Variants in TRAF3IP1 observed in about 807,000 individuals in gnomAD.
TRAF3IP1 encodes TRAF3-interacting protein 1.
Under a neutral mutation model 89.9 loss-of-function variants are expected in TRAF3IP1, and 53 were observed. The observed-to-expected ratio is 0.59, with a 90% CI of 0.47 to 0.74. TRAF3IP1 has a LOEUF of 0.74. Among genes scored for constraint, TRAF3IP1 ranks in the 30% least tolerant of loss-of-function variants. The pLI, the probability that TRAF3IP1 is intolerant of heterozygous loss-of-function variation, is 0.00. For synonymous variants in TRAF3IP1, 311 were observed against 322.1 expected, an observed-to-expected ratio of 0.97 and a Z score of 0.37; for missense variants, 806 against 866.1, an observed-to-expected ratio of 0.93 and a Z score of 0.87.
At chr2:238,371,877 A>G (rs1031004127) in intron 15 of TRAF3IP1, among the ~76,000 whole-genome samples, 3 of 152,268 alleles carry the variant, frequency 2.0e-5, no homozygotes, top group Admixed American at 1.3e-4. Context: ...ATATTAAATT[A>G]CGTATATGGC....
At chr2:238,322,692 A>T (rs1697614022) in intron 1 of TRAF3IP1, among the ~76,000 whole-genome samples, 1 of 149,944 alleles carries the variant, frequency 6.7e-6, no homozygotes, top group East Asian at 1.9e-4. Flanking sequence ...TGTCTCAAAA[A>T]AAAAAAAAAA....
At chr2:238,337,008 T>C (rs1454726136) in intron 7 of TRAF3IP1, among the ~76,000 whole-genome samples, 3 of 151,874 alleles carry the variant, frequency 2.0e-5, no homozygotes, top group Admixed American at 2.0e-4. Flanking sequence ...GGGCCTGCGC[T>C]CTAGAACACT....
rs999943156 is a variant in TRAF3IP1 at position 238,330,063 on chromosome 2, G to A, written c.915+721G>A. On this transcript the variant is annotated intron_variant, in intron 5 of 16. Coordinates refer to ENST00000373327, the MANE Select transcript of TRAF3IP1 (RefSeq NM_015650.4). ...ATGTGTTGCTTCTCCCGTGCGTGTC[G>A]TTTGTGTCATTTGTGTCACTCTCAG... is the stretch of plus-strand genomic sequence containing the variant. Among the ~76,000 whole-genome samples, 8 of 152,170 alleles carry A rather than the reference G, an allele frequency of 5.3e-5. No homozygotes were observed. In the East Asian group the frequency reaches 9.6e-4, roughly 18 times the overall value.
intron 1 of TRAF3IP1, among the ~76,000 whole-genome samples, chr2:238,324,664 G>A (rs1042620941): frequency 6.6e-6 from 1 of 151,960 alleles, no homozygotes; most frequent in South Asian, 2.1e-4. Flanking sequence ...GAGTGCAGTG[G>A]TACGATCTCG....
At chr2:238,325,208 G>A in intron 1 of TRAF3IP1, 98 bp from the exon 2 acceptor site, 3 of 1,188,162 alleles carry the variant, frequency 2.5e-6, no homozygotes, top group Non-Finnish European at 2.5e-6. Context: ...TGGGCTGCTA[G>A]TCAATTCTGA....
At chr2:238,378,807 GCC>G (rs1290294796) in intron 15 of TRAF3IP1, among the ~76,000 whole-genome samples, 1 of 152,142 alleles carries the variant, frequency 6.6e-6, no homozygotes, top group African/African-American at 2.4e-5. Context: ...CCCCCCCCAG[GCC>G]CCAGGCTGCT....
chr2:238,375,812 T>C (rs1183561764), intron 15 of TRAF3IP1, among the ~76,000 whole-genome samples: 1 of 152,246 alleles, frequency 6.6e-6, no homozygotes, highest in African/African-American at 2.4e-5. Context: ...CAGAAAGATA[T>C]TTACTCTTTT....
intron 15 of TRAF3IP1, 61 bp downstream of exon 15, chr2:238,356,141 C>G (rs910903705): frequency 3.1e-6 from 4 of 1,304,076 alleles, no homozygotes; most frequent in African/African-American, 3.0e-5. Flanking sequence ...CATTTACAGA[C>G]TTTTACAAGT....
intron 15 of TRAF3IP1, among the ~76,000 whole-genome samples, chr2:238,389,070 T>C (rs1428813531): frequency 1.3e-5 from 2 of 152,164 alleles, no homozygotes; most frequent in East Asian, 3.9e-4. Flanking sequence ...TTTTGTTTAT[T>C]GGGTTTGCTT....
chr2:238,343,685 C>T (rs373468424), intron 8 of TRAF3IP1, among the ~76,000 whole-genome samples: 11 of 129,900 alleles, frequency 8.5e-5, no homozygotes, highest in African/African-American at 3.2e-4. Context: ...TAGGGTCTTA[C>T]TCTTTGCCCT....
chr2:238,386,372 G>T (rs1188265228), intron 15 of TRAF3IP1, among the ~76,000 whole-genome samples: 2 of 152,094 alleles, frequency 1.3e-5, no homozygotes, highest in Non-Finnish European at 2.9e-5. Flanking sequence ...GCGTGCAGTG[G>T]TGTGATTTTG....
chr2:238,326,793 C>T (rs1035091472), intron 3 of TRAF3IP1, among the ~76,000 whole-genome samples: 2 of 152,148 alleles, frequency 1.3e-5, no homozygotes, highest in Non-Finnish European at 2.9e-5. Flanking sequence ...GCCCCCTCAA[C>T]AGCAGTGGGT....
Position 238,325,929 on chromosome 2 carries a change from A to C in TRAF3IP1, c.313A>C (p.Asn105His). The C allele has an allele frequency of 6.2e-7, 1 of 1,614,038 alleles. No homozygotes were observed. The highest frequency in any genetic ancestry group is 8.5e-7 in the Non-Finnish European group (1 of 1,179,982). The change falls in exon 3 of 17, where the codon AAC becomes CAC. Residue 105 changes from asparagine (N) to histidine (H), a missense_variant. Asn to His is a moderately conservative substitution (Grantham distance 68). This residue lies in a region of TRAF3IP1 where 732 missense variants were observed against 780.5 expected (regional missense o/e 0.94). Coordinates refer to ENST00000373327, the MANE Select transcript of TRAF3IP1 (RefSeq NM_015650.4). ...GGCGGGGCATGAGCCTGAAAGAACA[A>C]ACGAGCTGCTCCAGATAATTGGAAA... ...IVAGHEPERTNELLQIIGKCC... is the reference protein window; with the variant it reads ...IVAGHEPERTHELLQIIGKCC...
intron 15 of TRAF3IP1, among the ~76,000 whole-genome samples, chr2:238,394,224 G>A (rs1244905064): frequency 6.6e-6 from 1 of 152,124 alleles, no homozygotes; most frequent in Non-Finnish European, 1.5e-5. Context: ...TGGGTAGACT[G>A]GTTATTTCTG....
rs1307905112 is a variant in TRAF3IP1 at position 238,379,933 on chromosome 2, T to C, written c.1690-17526T>C. Among the ~76,000 whole-genome samples the C allele has an allele frequency of 6.6e-6, 1 of 152,238 alleles. No homozygotes were observed. The highest frequency in any genetic ancestry group is 2.4e-5 in the African/African-American group (1 of 41,472). On this transcript the variant is annotated intron_variant, in intron 15 of 16. Coordinates refer to ENST00000373327, the MANE Select transcript of TRAF3IP1 (RefSeq NM_015650.4). This position sits in a 1 kb window ranked among gnomAD's most constrained non-coding sequence, Gnocchi z 4.0. ...CAAAATAATTGAATAATCACCTCAC[T>C]GGCCATTTCCAGCATTGATGGAGAA...
Position 238,379,298 on chromosome 2 carries a change from C to T in TRAF3IP1, c.1690-18161C>T, listed in dbSNP as rs1700451174. Among the ~76,000 whole-genome samples, 1 of 152,238 alleles carries T rather than the reference C, an allele frequency of 6.6e-6. No homozygotes were observed. Among genetic ancestry groups the T allele is most frequent in the Admixed American group, 6.5e-5 (1 of 15,294 alleles). On this transcript the variant is annotated intron_variant, in intron 15 of 16. Coordinates refer to ENST00000373327, the MANE Select transcript of TRAF3IP1 (RefSeq NM_015650.4). This position sits in a 1 kb window ranked among gnomAD's most constrained non-coding sequence, Gnocchi z 4.0. Reference sequence around the variant, plus strand: ...GGCCTCAGCCGCACACTCACCATCTCTGACCCGGGCTCTGCTATCCTCACA... The same window carrying T: ...GGCCTCAGCCGCACACTCACCATCTTTGACCCGGGCTCTGCTATCCTCACA...
chr2:238,353,318 C>G lies in TRAF3IP1; in HGVS notation c.1612+109C>G, dbSNP rs1699257730. On this transcript the variant is annotated intron_variant, in intron 14 of 16. Coordinates refer to ENST00000373327, the MANE Select transcript of TRAF3IP1 (RefSeq NM_015650.4). ...GCAAGGGACTGTTGTGTGCCAGGTT[C>G]TGGTCTGGGTCACACTGGCGGGATC... The G allele has an allele frequency of 8.0e-6, 10 of 1,254,002 alleles. No homozygotes were observed. The South Asian group carries it at 1.3e-4, about 16-fold the overall frequency. 77.7% of individuals were successfully genotyped at this position (1,254,002 alleles called of 1,614,324 possible).
At chr2:238,387,447 G>A (rs1456214510) in intron 15 of TRAF3IP1, among the ~76,000 whole-genome samples, 3 of 152,116 alleles carry the variant, frequency 2.0e-5, no homozygotes, top group Admixed American at 2.0e-4. Context: ...TTCCTTTATA[G>A]CCTAGAAATA....
intron 6 of TRAF3IP1, 59 bp from the exon 7 acceptor site, chr2:238,333,901 G>T: frequency 7.3e-7 from 1 of 1,378,058 alleles, no homozygotes; most frequent in Non-Finnish European, 1.0e-6. Context: ...AAATAAACCT[G>T]CTTATGATAC....
Sources: gnomAD v4.1 joint callset for allele counts (sites outside exome capture counted in the v4.1 genomes callset) on GRCh38, gnomAD v4.1.1 for gene constraint, gnomAD v4.1.1 regional missense constraint, Gnocchi (gnomAD v3.1) non-coding constraint, MANE v1.5 for transcripts, NCBI Gene and HGNC (gene_info 2026-07-23, HGNC 2026-07-21) for gene names.